Variants in DNA2 observed in about 807,000 individuals in gnomAD.
The protein encoded by DNA2 is DNA replication ATP-dependent helicase/nuclease DNA2.
DNA2 carries 101 observed loss-of-function variants against 119.1 expected under a neutral mutation model. That is an observed-to-expected ratio of 0.85 (90% CI 0.72 to 1.00). The LOEUF is 1.00. Among genes scored for constraint, DNA2 ranks in the 50% least tolerant of loss-of-function variants. The pLI is 0.00. For missense variants in DNA2, 1,121 were observed against 1,255.5 expected, an observed-to-expected ratio of 0.89 and a Z score of 1.62; for synonymous variants, 366 against 424.4, an observed-to-expected ratio of 0.86 and a Z score of 1.69.
intron 6 of DNA2, among the ~76,000 whole-genome samples, chr10:68,447,750 G>A (rs377472582): frequency 2.2e-4 from 34 of 151,756 alleles, no homozygotes; most frequent in South Asian, 1.5e-3. Context: ...TTGGGAGGCC[G>A]AGGCGGGCGG....
chr10:68,470,076 A>C lies in DNA2; in HGVS notation c.162T>G (p.Thr54=). Residue 54 remains threonine, a synonymous_variant, in exon 2 of 21, where the codon ACT becomes ACG. Coordinates refer to ENST00000358410, the MANE Select transcript of DNA2 (RefSeq NM_001080449.3). ...CACAGTTTCCCTCTTTGTTCTGTAC[A>C]GTATTGACTGCCAACACCAGGTACC... is the stretch of plus-strand genomic sequence containing the variant. ...DNRYLVLAVN[T]VQNKEGNCEK... 1 of 1,613,908 alleles carries C rather than the reference A, an allele frequency of 6.2e-7. No individual in the cohort carries two copies. Among genetic ancestry groups the C allele is most frequent in the Non-Finnish European group, 8.5e-7 (1 of 1,179,876 alleles).
intron 13 of DNA2, among the ~76,000 whole-genome samples, chr10:68,431,550 G>A (rs2051821526): frequency 6.6e-6 from 1 of 152,200 alleles, no homozygotes; most frequent in Admixed American, 6.5e-5. Context: ...CTCCTAAAGT[G>A]CTGGGATTAC....
chr10:68,455,858 A>C (rs573554216), intron 5 of DNA2, among the ~76,000 whole-genome samples: 1 of 151,730 alleles, frequency 6.6e-6, no homozygotes, highest in Non-Finnish European at 1.5e-5. Context: ...CAAACAAAAA[A>C]CTCAACTCTA....
At chr10:68,452,456 C>A (rs1484707382) in intron 5 of DNA2, among the ~76,000 whole-genome samples, 1 of 151,952 alleles carries the variant, frequency 6.6e-6, no homozygotes, top group East Asian at 1.9e-4. Flanking sequence ...TTAAATTAGG[C>A]AAAACTTATT....
intron 18 of DNA2, 161 bp from the exon 19 acceptor site, chr10:68,419,374 G>C: frequency 1.7e-6 from 1 of 594,680 alleles, no homozygotes; most frequent in Non-Finnish European, 2.8e-6. Context: ...CTCTAAATCT[G>C]TCCATATTTC....
intron 14 of DNA2, among the ~76,000 whole-genome samples, chr10:68,426,653 C>T (rs1590050904): frequency 6.6e-6 from 1 of 151,082 alleles, no homozygotes; most frequent in African/African-American, 2.4e-5. Context: ...GTCTAAGAGA[C>T]GGTGAAACCC....
At chr10:68,454,596 A>G (rs10998186) in intron 5 of DNA2, among the ~76,000 whole-genome samples, 38,615 of 151,774 alleles carry the variant, frequency 0.25, 5,688 homozygotes, top group East Asian at 0.39. Context: ...ACCTAAGGTC[A>G]GAAGTTTGAG....
chr10:68,420,200 A>G (rs547331578), intron 17 of DNA2, among the ~76,000 whole-genome samples: 1 of 152,326 alleles, frequency 6.6e-6, no homozygotes, highest in South Asian at 2.1e-4. Context: ...AGAAAAGAAT[A>G]AGTAACTTTC....
In DNA2 at chr10:68,414,157, A is replaced by G. The variant is rs1220139265; in HGVS notation, c.*882T>C. 1 of 151,890 alleles carries G rather than the reference A, an allele frequency of 6.6e-6. No individual in the cohort carries two copies. Among genetic ancestry groups the G allele is most frequent in the Non-Finnish European group, 1.5e-5 (1 of 68,006 alleles). The allele number at this position is 151,890 out of a possible 1,614,324, so 9.4% of individuals were successfully genotyped here. A position where few individuals can be genotyped will look rare whatever the true frequency, so the allele number is the denominator to read the frequency against. ...AAATAAAAATTTTAACATATTTAAC[A>G]CTCATTAAAAAAAACCCTCAAGAGA... On this transcript the variant is annotated 3_prime_UTR_variant, in exon 21 of 21. Coordinates refer to ENST00000358410, the MANE Select transcript of DNA2 (RefSeq NM_001080449.3).
intron 3 of DNA2, among the ~76,000 whole-genome samples, chr10:68,466,314 A>G (rs116070333): frequency 0.024 from 3,708 of 152,234 alleles, 142 homozygotes; most frequent in African/African-American, 0.085. Flanking sequence ...TTAAAATTCA[A>G]AATATTCTCA....
intron 16 of DNA2, 40 bp from the exon 17 acceptor site, chr10:68,422,469 G>A: frequency 6.2e-7 from 1 of 1,612,376 alleles, no homozygotes; most frequent in East Asian, 2.2e-5. Flanking sequence ...TTTGGTAGAT[G>A]GAAACAAACA....
rs865897131 is a variant in DNA2 at position 68,425,486 on chromosome 10, C to A, written c.2209-2596G>T. ...CGGCGATCTCGGCTCACCGCAAGCT[C>A]CGCCTCCCCGGTTCACGCCATTCTC... On this transcript the variant is annotated intron_variant, in intron 14 of 20. Coordinates refer to ENST00000358410, the MANE Select transcript of DNA2 (RefSeq NM_001080449.3). Among the ~76,000 whole-genome samples the A allele has an allele frequency of 3.3e-5, 5 of 151,504 alleles. No individual in the cohort carries two copies. The Middle Eastern group carries it at 0.017, about 519-fold the overall frequency.
intron 4 of DNA2, among the ~76,000 whole-genome samples, chr10:68,464,802 C>G (rs1220481776): frequency 7.5e-6 from 1 of 134,080 alleles, no homozygotes; most frequent in Non-Finnish European, 1.5e-5. Flanking sequence ...ACACTCCAGC[C>G]TGGACAACAA....
chr10:68,446,852 A>AG (rs1371112808), intron 6 of DNA2, among the ~76,000 whole-genome samples: 2 of 152,100 alleles, frequency 1.3e-5, no homozygotes, highest in Non-Finnish European at 2.9e-5. Context: ...AACAATAGTG[A>AG]GGGTGGTGCG....
chr10:68,417,401 A>AAC (rs2051604730), intron 19 of DNA2, among the ~76,000 whole-genome samples: 1 of 150,716 alleles, frequency 6.6e-6, no homozygotes, highest in South Asian at 2.1e-4. Context: ...CAAAAAAAAA[A>AAC]AAAAAAAAAA....
intron 6 of DNA2, among the ~76,000 whole-genome samples, chr10:68,448,995 C>CTCTCTACAACCTCTGCCTCCCTGGTTTG (rs1413868441): frequency 1.4e-5 from 2 of 139,794 alleles, no homozygotes; most frequent in African/African-American, 2.7e-5. Flanking sequence ...GTAGTAGTTT[C>CTCTCTACAACCTCTGCCTCCCTGGTTTG]ACCATGTTGG....
chr10:68,471,779 C>A lies in DNA2; in HGVS notation c.74+12G>T, dbSNP rs762289354. On this transcript the variant is annotated intron_variant, in intron 1 of 20. Coordinates refer to ENST00000358410, the MANE Select transcript of DNA2 (RefSeq NM_001080449.3). The stretch of plus-strand genomic sequence containing the variant: ...CCGCTTTGTTCCCACACCCTCCCCC[C>A]TCTCCGCTCACAGCTCCGCCGGCAG... The A allele has an allele frequency of 1.3e-5, 20 of 1,590,850 alleles. No homozygotes were observed. The highest frequency in any genetic ancestry group is 3.4e-5 in the South Asian group (3 of 87,824).
chr10:68,443,297 G>A (rs1026004953), intron 8 of DNA2, among the ~76,000 whole-genome samples, 186 bp from the exon 9 acceptor site: 3 of 152,144 alleles, frequency 2.0e-5, no homozygotes, highest in African/African-American at 7.2e-5. Flanking sequence ...AAATGTGTGA[G>A]AAACTCAATA....
chr10:68,471,631 G>C (rs531857816), intron 1 of DNA2, among the ~76,000 whole-genome samples, 160 bp downstream of exon 1: 1 of 152,198 alleles, frequency 6.6e-6, no homozygotes, highest in Non-Finnish European at 1.5e-5. Context: ...CACCTTGGGA[G>C]GCAGGCCCCG....
Sources: allele counts gnomAD v4.1 joint callset (sites outside exome capture counted in the v4.1 genomes callset), GRCh38; gene constraint gnomAD v4.1.1; transcripts MANE v1.5; gene names NCBI Gene and HGNC (gene_info 2026-07-23, HGNC 2026-07-21).